Variants in KLHL29 observed in about 807,000 individuals in gnomAD.
KLHL29 encodes kelch-like protein 29.
KLHL29 carries 21 observed loss-of-function variants against 80.4 expected under a neutral mutation model. The ratio of observed to expected loss-of-function variants is 0.26; its 90% confidence interval spans 0.19 to 0.38. The LOEUF (loss-of-function observed/expected upper bound fraction) is 0.38, where lower values mean the gene tolerates loss of function less well. KLHL29 is among the 10% of genes least tolerant of loss of function. The pLI is 1.00. For synonymous variants in KLHL29, 511 were observed against 526.8 expected, an observed-to-expected ratio of 0.97 and a Z score of 0.41; for missense variants, 867 against 1,223.9, an observed-to-expected ratio of 0.71 and a Z score of 4.35.
chr2:23,702,307 T>C (rs1672448379), intron 11 of KLHL29, among the ~76,000 whole-genome samples: 2 of 152,240 alleles, frequency 1.3e-5, no homozygotes, highest in Non-Finnish European at 2.9e-5. Context: ...AAACATGCTC[T>C]GAACACTTAC....
intron 2 of KLHL29, among the ~76,000 whole-genome samples, chr2:23,482,453 T>A (rs1362452376): frequency 1.3e-5 from 2 of 152,240 alleles, no homozygotes; most frequent in Admixed American, 6.5e-5. Flanking sequence ...CAGCCTGTGC[T>A]CTGGGAGTGT....
intron 2 of KLHL29, among the ~76,000 whole-genome samples, chr2:23,498,904 G>A (rs1665350782): frequency 6.6e-6 from 1 of 152,206 alleles, no homozygotes; most frequent in Admixed American, 6.5e-5. Context: ...TCTTTCCATT[G>A]CTGAAAGTGA....
intron 3 of KLHL29, among the ~76,000 whole-genome samples, chr2:23,565,227 C>CT (rs201116571): frequency 5.9e-5 from 9 of 151,556 alleles, no homozygotes; most frequent in Non-Finnish European, 1.3e-4. Context: ...TGTTCATGTC[C>CT]TTTTTTTTTC....
At chr2:23,472,217 A>T (rs1168428316) in intron 1 of KLHL29, among the ~76,000 whole-genome samples, 1 of 152,174 alleles carries the variant, frequency 6.6e-6, no homozygotes, top group African/African-American at 2.4e-5. Context: ...CTAAATGTTA[A>T]CCGAGAACAG....
intron 1 of KLHL29, among the ~76,000 whole-genome samples, chr2:23,438,808 G>A (rs1323903661): frequency 6.6e-6 from 1 of 152,060 alleles, no homozygotes; most frequent in Non-Finnish European, 1.5e-5. Context: ...TTGGTATCAG[G>A]ATGATGCTGG....
chr2:23,681,709 A>G lies in KLHL29; in HGVS notation c.941-2690A>G, dbSNP rs1294833306. Among the ~76,000 whole-genome samples, 1 of 152,174 alleles carries G rather than the reference A, an allele frequency of 6.6e-6. No homozygotes were observed. The highest frequency in any genetic ancestry group is 1.5e-5 in the Non-Finnish European group (1 of 68,012). On this transcript the variant is annotated intron_variant, in intron 5 of 13. Coordinates refer to ENST00000486442, the MANE Select transcript of KLHL29 (RefSeq NM_052920.2). This position sits in a 1 kb window ranked among gnomAD's most constrained non-coding sequence, Gnocchi z 4.2. ...CCAGGGTCACACACCAATTAGTGGC[A>G]GTGCTGGAACAAGAACCAGGATCCA...
At chr2:23,677,104 A>G (rs1364003527) in intron 5 of KLHL29, among the ~76,000 whole-genome samples, 1 of 152,226 alleles carries the variant, frequency 6.6e-6, no homozygotes, top group Non-Finnish European at 1.5e-5. Context: ...AAAAAATGTT[A>G]AGGAGAAAAA....
intron 5 of KLHL29, among the ~76,000 whole-genome samples, chr2:23,663,216 G>A (rs539777950): frequency 6.7e-4 from 102 of 152,356 alleles, no homozygotes; most frequent in African/African-American, 2.4e-3. Flanking sequence ...GGCACGAGGC[G>A]GGTGTCATGA....
In KLHL29 at chr2:23,390,838, G is replaced by C. The variant is rs142638490; in HGVS notation, c.-154+5058G>C. 9.4e-3 allele frequency among the ~76,000 whole-genome samples: 1,435 copies of C among 152,024 alleles called. 29 individuals are homozygous for C. The highest frequency in any genetic ancestry group is 0.033 in the African/African-American group (1,368 of 41,466). On this transcript the variant is annotated intron_variant, in intron 1 of 13. Transcript: ENST00000486442. ...AGCAAATTTTTTTGCATTTTTAGTAGAGACGGGGTTTCACCATGTTGGCCA... is the reference window on the plus strand; with the variant it reads ...AGCAAATTTTTTTGCATTTTTAGTACAGACGGGGTTTCACCATGTTGGCCA...
At chr2:23,541,997 C>T (rs1666852655) in intron 2 of KLHL29, among the ~76,000 whole-genome samples, 1 of 152,124 alleles carries the variant, frequency 6.6e-6, no homozygotes, top group African/African-American at 2.4e-5. Context: ...ATTAGCTCTC[C>T]TGGGAGGGGT....
chr2:23,693,551 C>A (rs1032818678), intron 8 of KLHL29, 23 bp downstream of exon 8: 3 of 1,537,102 alleles, frequency 2.0e-6, no homozygotes, highest in African/African-American at 1.4e-5. Flanking sequence ...CTGTCCCCCG[C>A]CCCTTCTCTC....
At chr2:23,613,780 A>AAAAAAAC (rs1668932352) in intron 3 of KLHL29, among the ~76,000 whole-genome samples, 1 of 150,020 alleles carries the variant, frequency 6.7e-6, no homozygotes, top group Non-Finnish European at 1.5e-5. Context: ...AAAAAAAAAA[A>AAAAAAAC]AAAAAAAAAA....
At chr2:23,479,246 C>T (rs979714454) in intron 2 of KLHL29, among the ~76,000 whole-genome samples, 1 of 151,768 alleles carries the variant, frequency 6.6e-6, no homozygotes, top group Non-Finnish European at 1.5e-5. Flanking sequence ...ACCACACCCA[C>T]TAGCTGGGGC....
At chr2:23,542,642 CT>C (rs1666867271) in intron 2 of KLHL29, among the ~76,000 whole-genome samples, 1 of 152,236 alleles carries the variant, frequency 6.6e-6, no homozygotes, top group Non-Finnish European at 1.5e-5. Context: ...AGCCACTGTC[CT>C]TCCTGCATTC....
intron 3 of KLHL29, among the ~76,000 whole-genome samples, chr2:23,573,782 G>T (rs1367631461): frequency 6.6e-6 from 1 of 152,204 alleles, no homozygotes; most frequent in Non-Finnish European, 1.5e-5. Flanking sequence ...TAGCACTCCG[G>T]TGCATGATGC....
intron 2 of KLHL29, among the ~76,000 whole-genome samples, chr2:23,476,061 G>A (rs1664633163): frequency 6.6e-6 from 1 of 152,044 alleles, no homozygotes; most frequent in Non-Finnish European, 1.5e-5. Context: ...GTGCTATCAC[G>A]ACATGGTTTC....
At chr2:23,645,511 A>G (rs1311529211) in intron 5 of KLHL29, among the ~76,000 whole-genome samples, 1 of 152,168 alleles carries the variant, frequency 6.6e-6, no homozygotes, top group African/African-American at 2.4e-5. Context: ...AACCTTGCCC[A>G]GCATTATAAT....
At chr2:23,673,274 A>G (rs1230894541) in intron 5 of KLHL29, among the ~76,000 whole-genome samples, 1 of 150,702 alleles carries the variant, frequency 6.6e-6, no homozygotes, top group African/African-American at 2.4e-5. Context: ...ACACAAGAGG[A>G]CACACTCCCA....
intron 2 of KLHL29, among the ~76,000 whole-genome samples, chr2:23,558,320 C>T (rs1198550501): frequency 6.6e-6 from 1 of 152,198 alleles, no homozygotes; most frequent in Non-Finnish European, 1.5e-5. Context: ...ACTGTGAGCC[C>T]CAGCTGACCT....
Sources: gnomAD v4.1 joint callset for allele counts (sites outside exome capture counted in the v4.1 genomes callset) on GRCh38, gnomAD v4.1.1 for gene constraint, Gnocchi (gnomAD v3.1) non-coding constraint, MANE v1.5 for transcripts, NCBI Gene and HGNC (gene_info 2026-07-23, HGNC 2026-07-21) for gene names.